The following ANK2 variants were observed in gnomAD, a reference collection of about 807,000 sequenced individuals.
The protein encoded by ANK2 is ankyrin-2.
Under a neutral mutation model 360.5 loss-of-function variants are expected in ANK2, and 83 were observed. The ratio of observed to expected loss-of-function variants is 0.23; its 90% CI spans 0.19 to 0.28. The LOEUF (loss-of-function observed/expected upper bound fraction) is 0.28, where lower values mean the gene tolerates loss of function less well. Among genes scored for constraint, ANK2 ranks in the 10% least tolerant of loss-of-function variants. The pLI is 1.00. For missense variants in ANK2, 4,201 were observed against 4,795.7 expected (o/e 0.88, Z 3.66); for synonymous variants, 1,740 against 1,759.5 (o/e 0.99, Z 0.28).
At chr4:112,831,870 ACT>A (rs2059827561) in intron 1 of ANK2, among the ~76,000 whole-genome samples, 1 of 151,992 alleles carries the variant, frequency 6.6e-6, no homozygotes, top group South Asian at 2.1e-4. Flanking sequence ...GAACTGTAAC[ACT>A]CATTGTGAAG....
At chr4:113,087,386 G>T (rs2085378629) in intron 1 of ANK2, among the ~76,000 whole-genome samples, 1 of 152,096 alleles carries the variant, frequency 6.6e-6, no homozygotes, top group South Asian at 2.1e-4. Context: ...AATTGTAAAG[G>T]TTCCAAGTTT....
chr4:113,062,037 A>T (rs2073708114), intron 1 of ANK2, among the ~76,000 whole-genome samples: 1 of 152,116 alleles, frequency 6.6e-6, no homozygotes, highest in Non-Finnish European at 1.5e-5. Flanking sequence ...CAACTAAAAA[A>T]AAATTGCTGT....
At chr4:112,745,531 C>CTTTTTTTTTTTTTT in the ANK2 span, among the ~76,000 whole-genome samples, 1 of 123,144 alleles carries the variant, frequency 8.1e-6, no homozygotes, top group African/African-American at 3.1e-5. Context: ...AGTACTAGAT[C>CTTTTTTTTTTTTTT]TTTTTTTTTT....
chr4:113,092,602 A>G (rs1040909469), intron 1 of ANK2, among the ~76,000 whole-genome samples: 1 of 149,112 alleles, frequency 6.7e-6, no homozygotes, highest in Non-Finnish European at 1.5e-5. Context: ...ACTATGTTCT[A>G]TGTATTTTAG....
chr4:112,837,139 C>A (rs2149752752), intron 1 of ANK2, among the ~76,000 whole-genome samples: 1 of 152,326 alleles, frequency 6.6e-6, no homozygotes, highest in Middle Eastern at 3.4e-3. Flanking sequence ...TCTGTGCAGC[C>A]TTGGGACAGG....
chr4:113,278,671 T>C (rs922190698), intron 17 of ANK2, 113 bp downstream of exon 17: 13 of 1,060,138 alleles, frequency 1.2e-5, no homozygotes, highest in South Asian at 9.3e-5. Context: ...GTCCTAGCGA[T>C]AGTAGCTTTT....
intron 2 of ANK2, among the ~76,000 whole-genome samples, chr4:112,955,965 C>T (rs2154255757): frequency 6.6e-6 from 1 of 152,262 alleles, no homozygotes; most frequent in South Asian, 2.1e-4. Context: ...GTAACCAAAA[C>T]CACAAAAATC....
intron 1 of ANK2, among the ~76,000 whole-genome samples, chr4:113,115,300 T>G (rs550741093): frequency 6.6e-6 from 1 of 152,356 alleles, no homozygotes; most frequent in Admixed American, 6.5e-5. Context: ...TTTGAAGGGC[T>G]TAGATACTAA....
rs2153688632 is a variant in ANK2, at chr4:113,274,566, C to G, written c.1600C>G (p.Leu534Val). ...GGCCACTACAAATGGGTACACACCACTGCACATCTCTGCCCGGGAGGGCCA... is the reference window on the plus strand; with the variant it reads ...GGCCACTACAAATGGGTACACACCAGTGCACATCTCTGCCCGGGAGGGCCA... Reference protein sequence around the residue: ...DAATTNGYTPLHISAREGQVD... With the variant: ...DAATTNGYTPVHISAREGQVD... Residue 534 changes from leucine to valine, a missense_variant, in exon 15 of 46, where the codon CTG (leucine) becomes GTG (valine). Transcript: ENST00000357077. The G allele has an allele frequency of 6.2e-7, 1 of 1,614,208 alleles. No homozygotes were observed.
intron 1 of ANK2, among the ~76,000 whole-genome samples, chr4:112,872,908 T>C (rs1199955210): frequency 6.6e-6 from 1 of 152,160 alleles, no homozygotes; most frequent in African/African-American, 2.4e-5. Context: ...TTGTTATGCA[T>C]GTATTCAGAT....
At chr4:113,101,719 T>A (rs1300224083) in intron 1 of ANK2, among the ~76,000 whole-genome samples, 4 of 152,170 alleles carry the variant, frequency 2.6e-5, no homozygotes, top group East Asian at 1.9e-4. Flanking sequence ...CTAGAAGTTG[T>A]GGTAGGTGCT....
At chr4:113,093,935 G>A (rs2089806787) in intron 1 of ANK2, among the ~76,000 whole-genome samples, 1 of 152,166 alleles carries the variant, frequency 6.6e-6, no homozygotes, top group Non-Finnish European at 1.5e-5. Flanking sequence ...GGAGCTCATT[G>A]TAACTCTTCT....
rs188579999 is a variant in ANK2, at chr4:113,165,995, T to A, written c.85-8421T>A. ...AATATTTTCATCTATAAACTTACCA[T>A]GTTCCTATTCAAATTCAGAAAATAC... On this transcript the variant is annotated intron_variant, in intron 1 of 45. Coordinates refer to ENST00000357077, the MANE Select transcript of ANK2 (RefSeq NM_001148.6). Among the ~76,000 whole-genome samples, 28 of 152,310 alleles carry A rather than the reference T, an allele frequency of 1.8e-4. 1 individual carries two copies. Among genetic ancestry groups the A allele is most frequent in the Admixed American group, 1.7e-3 (26 of 15,298 alleles).
chr4:112,876,524 C>G (rs1308248746), intron 1 of ANK2, among the ~76,000 whole-genome samples: 1 of 152,018 alleles, frequency 6.6e-6, no homozygotes, highest in African/African-American at 2.4e-5. Context: ...CAGGTATAGG[C>G]TCTAACTTTG....
upstream of ANK2, among the ~76,000 whole-genome samples, chr4:113,047,891 G>A (rs2065088633): frequency 6.6e-6 from 1 of 152,052 alleles, no homozygotes; most frequent in Non-Finnish European, 1.5e-5. Context: ...AATCCTAACA[G>A]CAATGGGGAA....
chr4:113,147,908 T>C (rs2096895764), intron 1 of ANK2, among the ~76,000 whole-genome samples: 1 of 152,256 alleles, frequency 6.6e-6, no homozygotes, highest in Non-Finnish European at 1.5e-5. Context: ...TATTTAGTCC[T>C]GGTAATGCTT....
chr4:113,174,023 T>TA, intron 1 of ANK2: 1 of 193,900 alleles, frequency 5.2e-6, no homozygotes, highest in South Asian at 9.2e-5. Flanking sequence ...TCTTTAGCTT[T>TA]CTGATTCTTT....
chr4:113,118,370 C>G (rs2095043775), intron 1 of ANK2, among the ~76,000 whole-genome samples: 1 of 152,276 alleles, frequency 6.6e-6, no homozygotes, highest in Non-Finnish European at 1.5e-5. Context: ...CAATGGGGAT[C>G]CATATACTTA....
intron 32 of ANK2, among the ~76,000 whole-genome samples, chr4:113,340,325 G>A (rs1396499538): frequency 6.6e-6 from 1 of 152,186 alleles, no homozygotes. Flanking sequence ...AATAACATGA[G>A]CAAAGATGCA....
Sources: gnomAD v4.1 joint callset for allele counts (sites outside exome capture counted in the v4.1 genomes callset) on GRCh38, gnomAD v4.1.1 for gene constraint, MANE v1.5 for transcripts, NCBI Gene and HGNC (gene_info 2026-07-23, HGNC 2026-07-21) for gene names.